Variants in TRAK1 observed in about 807,000 individuals in gnomAD.
The protein encoded by TRAK1 is trafficking kinesin protein 1, also known as trafficking kinesin-binding protein 1.
A neutral mutation model predicts 92.1 loss-of-function variants in TRAK1; 33 were observed. That is an observed-to-expected ratio of 0.36 (90% confidence interval 0.27 to 0.48). The LOEUF is 0.48. Among genes scored for constraint, TRAK1 ranks in the 20% least tolerant of loss-of-function variants. The probability of loss-of-function intolerance (pLI) is 0.99; values close to 1 mark genes in which losing one functional copy is unlikely to be tolerated. For synonymous variants in TRAK1, 521 were observed against 517.3 expected (o/e 1.01, Z -0.10); for missense variants, 1,123 against 1,257.9 (o/e 0.89, Z 1.62).
chr3:42,165,644 T>G (rs1203193987), intron 2 of TRAK1, among the ~76,000 whole-genome samples: 1 of 152,184 alleles, frequency 6.6e-6, no homozygotes, highest in Non-Finnish European at 1.5e-5. Context: ...TCCTGGGCCT[T>G]TGTTAATGTA....
At position 42,191,759 on chromosome 3, in the gene TRAK1, A is replaced by G. The variant is rs1295451377; in HGVS notation, c.769+123A>G. The G allele has an allele frequency of 7.8e-6, 8 of 1,021,688 alleles. No homozygotes were observed. In the East Asian group the frequency reaches 1.9e-4, roughly 25 times the overall value. 63.3% of individuals were successfully genotyped at this position (1,021,688 alleles called of 1,614,324 possible). A position where few individuals can be genotyped will look rare whatever the true frequency, so the allele number is the denominator to read the frequency against. ...CTACGGCTCAGCAGCATTTTTCTTA[A>G]AACTAGAGGCCTCCCCAACCTTGTG... is the stretch of plus-strand genomic sequence containing the variant. On this transcript the variant is annotated intron_variant, in intron 7 of 15. Coordinates refer to ENST00000327628, the MANE Select transcript of TRAK1 (RefSeq NM_001042646.3).
chr3:42,199,286 C>A, intron 11 of TRAK1, 33 bp downstream of exon 11: 1 of 1,610,736 alleles, frequency 6.2e-7, no homozygotes, highest in South Asian at 1.1e-5. Flanking sequence ...TTTGAGATTC[C>A]CAGAGACCAA....
intron 14 of TRAK1, chr3:42,210,513 C>T: frequency 8.5e-7 from 1 of 1,183,084 alleles, no homozygotes; most frequent in Non-Finnish European, 1.0e-6. Flanking sequence ...CTCAAGTCCC[C>T]TGGTGATTTC....
chr3:42,203,681 GAACTTCTGT>G (rs1707982806), intron 13 of TRAK1: 3 of 985,220 alleles, frequency 3.0e-6, no homozygotes, highest in Non-Finnish European at 3.6e-6. Context: ...AGCCAAATCA[GAACTTCTGT>G]AAGGCAGAAC....
intron 1 of TRAK1, among the ~76,000 whole-genome samples, chr3:42,048,594 T>TAGAC (rs1702855757): frequency 6.6e-6 from 1 of 151,546 alleles, no homozygotes; most frequent in Non-Finnish European, 1.5e-5. Flanking sequence ...GACAGTGTCT[T>TAGAC]TGTCTGTCAC....
chr3:42,176,647 G>A (rs1703254856), intron 2 of TRAK1, among the ~76,000 whole-genome samples, 167 bp from the exon 3 acceptor site: 1 of 152,200 alleles, frequency 6.6e-6, no homozygotes, highest in Non-Finnish European at 1.5e-5. Flanking sequence ...TTGGAACTGG[G>A]AAATGAAGTC....
At chr3:42,043,431 A>C in intron 1 of TRAK1, among the ~76,000 whole-genome samples, 1 of 147,726 alleles carries the variant, frequency 6.8e-6, no homozygotes, top group African/African-American at 2.5e-5. Context: ...CCTCCTCCTG[A>C]CCCCTGCCCT....
At chr3:42,092,282 CA>C (rs1390170968) in intron 1 of TRAK1, among the ~76,000 whole-genome samples, 3 of 152,172 alleles carry the variant, frequency 2.0e-5, no homozygotes, top group Non-Finnish European at 4.4e-5. Flanking sequence ...GTCCTGTCTA[CA>C]CGCTGCTTCC....
intron 1 of TRAK1, among the ~76,000 whole-genome samples, chr3:42,104,174 C>T (rs1184519647): frequency 6.6e-6 from 1 of 152,144 alleles, no homozygotes; most frequent in African/African-American, 2.4e-5. Context: ...AGCCGGGAAG[C>T]TCGAACTGGG....
At chr3:42,050,685 T>G (rs1460454478) in intron 1 of TRAK1, among the ~76,000 whole-genome samples, 1 of 152,080 alleles carries the variant, frequency 6.6e-6, no homozygotes, top group Non-Finnish European at 1.5e-5. Context: ...TGAGATGGAG[T>G]CTTGCTCTAT....
chr3:42,032,580 A>G (rs1405771474), intron 1 of TRAK1, among the ~76,000 whole-genome samples: 1 of 152,200 alleles, frequency 6.6e-6, no homozygotes, highest in Non-Finnish European at 1.5e-5. Flanking sequence ...AAACAAATTA[A>G]GAGCCAGATG....
At chr3:42,221,071 C>CTTTTTT (rs369421571) in intron 15 of TRAK1, among the ~76,000 whole-genome samples, 2 of 85,404 alleles carry the variant, frequency 2.3e-5, no homozygotes, top group African/African-American at 5.0e-5. Flanking sequence ...AGAGAAGGCT[C>CTTTTTT]TTTTTTTTTT....
upstream of TRAK1, among the ~76,000 whole-genome samples, chr3:42,083,297 G>A (rs572903517): frequency 2.0e-5 from 3 of 151,934 alleles, no homozygotes; most frequent in African/African-American, 7.2e-5. Context: ...TTTTCTTTTG[G>A]GCTATCTGCT....
chr3:42,180,692 A>AG (rs923878872), intron 3 of TRAK1, among the ~76,000 whole-genome samples: 5 of 151,844 alleles, frequency 3.3e-5, no homozygotes, highest in Admixed American at 1.3e-4. Flanking sequence ...AAAAAAAAAA[A>AG]AAAGAAAAAG....
At chr3:42,188,804 G>C (rs1176804341) in intron 5 of TRAK1, among the ~76,000 whole-genome samples, 4 of 152,202 alleles carry the variant, frequency 2.6e-5, no homozygotes, top group South Asian at 2.1e-4. Context: ...TGAATTCTAA[G>C]GTGATGTGGC....
At chr3:42,073,274 T>C (rs555149517) in intron 1 of TRAK1, among the ~76,000 whole-genome samples, 8 of 152,334 alleles carry the variant, frequency 5.3e-5, no homozygotes, top group African/African-American at 1.7e-4. Context: ...ACCCTGACAC[T>C]GCTCCGACTT....
chr3:42,174,205 G>A (rs112220559), intron 2 of TRAK1, among the ~76,000 whole-genome samples: 1 of 151,846 alleles, frequency 6.6e-6, no homozygotes, highest in African/African-American at 2.4e-5. Context: ...TGTGTTTTTA[G>A]TAGAGACAGG....
intron 1 of TRAK1, among the ~76,000 whole-genome samples, chr3:42,019,129 GA>G (rs1262841474): frequency 2.0e-5 from 3 of 149,642 alleles, no homozygotes; most frequent in South Asian, 2.1e-4. Context: ...AAAAGAAAAA[GA>G]AAAAAAAAGC....
At chr3:42,097,582 G>A (rs538662535) in intron 1 of TRAK1, among the ~76,000 whole-genome samples, 325 of 152,306 alleles carry the variant, frequency 2.1e-3, no homozygotes, top group African/African-American at 7.6e-3. Flanking sequence ...TGTGATCTGA[G>A]ATAAATGCTT....
Sources: allele counts gnomAD v4.1 joint callset (sites outside exome capture counted in the v4.1 genomes callset), GRCh38; gene constraint gnomAD v4.1.1; transcripts MANE v1.5; gene names NCBI Gene and HGNC (gene_info 2026-07-23, HGNC 2026-07-21).